The following MED1 variants were observed in gnomAD, a reference collection of about 807,000 sequenced individuals.
MED1 encodes the protein mediator of RNA polymerase II transcription subunit 1.
Under a neutral mutation model 121.3 loss-of-function variants are expected in MED1, and 17 were observed. The ratio of observed to expected loss-of-function variants is 0.14; its 90% CI spans 0.10 to 0.21. The LOEUF is 0.21. MED1 is among the 10% of genes least tolerant of loss of function. The pLI, the probability that MED1 is intolerant of heterozygous loss-of-function variation, is 1.00. For synonymous variants in MED1, 661 were observed against 694.4 expected (o/e 0.95, Z 0.76); for missense variants, 1,558 against 1,919.4 (o/e 0.81, Z 3.52).
At chr17:39,415,607 T>A (rs1164088214) in intron 14 of MED1, among the ~76,000 whole-genome samples, 1 of 152,050 alleles carries the variant, frequency 6.6e-6, no homozygotes, top group Non-Finnish European at 1.5e-5. Flanking sequence ...GGTCAGGAGT[T>A]CGAGACAAGC....
rs772852403 is a variant in MED1, at chr17:39,410,052, G to T, written c.2169C>A (p.Ile723=). 6.2e-7 allele frequency: 1 copy of T among 1,614,158 alleles called. No homozygotes were observed. The highest frequency in any genetic ancestry group is 1.3e-5 in the African/African-American group (1 of 75,056). ...TGTCAGCTGTCATGTTGACATCAAA[G>T]ATAGGGTTCTGTGAGTCAACATCCA... ...FSMDVDSQNP[I]FDVNMTADTL... Residue 723 remains isoleucine, a synonymous_variant, in exon 17 of 17, where the codon ATC becomes ATA. Transcript: ENST00000300651.
Position 39,409,891 on chromosome 17 carries a change from G to C in MED1, c.2330C>G (p.Pro777Arg). Residue 777 changes from proline to arginine, a missense_variant, in exon 17 of 17, where the codon CCA (proline) becomes CGA (arginine). Physicochemically the swap from Pro to Arg is moderately radical, Grantham distance 103. Around this residue, in one of 5 missense-constraint regions of MED1, gnomAD observed 793 missense variants for 898.2 expected, o/e 0.88. Coordinates refer to ENST00000300651, the MANE Select transcript of MED1 (RefSeq NM_004774.4). ...VRLSSSDSIG[P>R]DVTDILSDIA... The stretch of plus-strand genomic sequence containing the variant: ...GTCTGAAAGGATGTCAGTTACATCT[G>C]GGCCAATGCTGTCTGAACTGGATAG... 6.2e-7 allele frequency: 1 copy of C among 1,614,112 alleles called. No individual in the cohort carries two copies. Among genetic ancestry groups the C allele is most frequent in the Non-Finnish European group, 8.5e-7 (1 of 1,180,020 alleles).
At chr17:39,439,914 CA>C (rs2048655318) in intron 5 of MED1, among the ~76,000 whole-genome samples, 1 of 131,776 alleles carries the variant, frequency 7.6e-6, no homozygotes, top group Non-Finnish European at 1.5e-5. Flanking sequence ...CTCCAGGCGA[CA>C]GAACGAGACT....
chr17:39,410,285 T>A lies in MED1; in HGVS notation c.1936A>T (p.Met646Leu), dbSNP rs752686458. 2 of 1,613,858 alleles carry A rather than the reference T, an allele frequency of 1.2e-6. No individual in the cohort carries two copies. The highest frequency in any genetic ancestry group is 2.7e-5 in the African/African-American group (2 of 74,854). The part of the protein sequence containing the change: ...AGNTKNHPML[M>L]NLLKDNPAQD... ...GCAGGATTATCTTTAAGAAGGTTCA[T>A]GAGCATCGGGTGGTTCTTGGTGTTG... The change falls in exon 17 of 17, where the codon ATG becomes TTG. Residue 646 changes from methionine (M) to leucine (L), a missense_variant. Coordinates refer to ENST00000300651, the MANE Select transcript of MED1 (RefSeq NM_004774.4).
At chr17:39,420,897 G>A (rs530273883) in intron 13 of MED1, among the ~76,000 whole-genome samples, 3 of 145,968 alleles carry the variant, frequency 2.1e-5, no homozygotes, top group African/African-American at 5.0e-5. Context: ...CCGGGTTCAC[G>A]CCATTCTCCT....
intron 1 of MED1, among the ~76,000 whole-genome samples, chr17:39,449,809 CTTTTTTT>C (rs71147334): frequency 6.5e-5 from 4 of 61,590 alleles, no homozygotes; most frequent in African/African-American, 2.1e-4. Context: ...CACACCCGGC[CTTTTTTT>C]TTTTTTTTTT....
chr17:39,409,164 T>C lies in MED1; in HGVS notation c.3057A>G (p.Gly1019=). Residue 1019 remains glycine, a synonymous_variant, in exon 17 of 17, where the codon GGA becomes GGG. Transcript: ENST00000300651. ...TAGAAGAACTATGAGATGGAGACTTTCCCTCAGTGTCTGCCTTCTTCCGCT... is the reference window on the plus strand; with the variant it reads ...TAGAAGAACTATGAGATGGAGACTTCCCCTCAGTGTCTGCCTTCTTCCGCT... ...PPKRKKADTE[G]KSPSHSSSNR... The C allele has an allele frequency of 1.2e-6, 2 of 1,614,178 alleles. No homozygotes were observed. The highest frequency in any genetic ancestry group is 1.7e-6 in the Non-Finnish European group (2 of 1,180,034).
rs1445075739 is a variant in MED1, at chr17:39,406,828, CAT to C, written c.*645_*646del. The C allele has an allele frequency of 1.0e-6, 1 of 985,322 alleles. No individual in the cohort carries two copies. The highest frequency in any genetic ancestry group is 1.2e-6 in the Non-Finnish European group (1 of 829,896). The allele number at this position is 985,322 out of a possible 1,614,324, so 61.0% of individuals were successfully genotyped here. A position where few individuals can be genotyped will look rare whatever the true frequency, so the allele number is the denominator to read the frequency against. ...TTCCATCATTTTGAACCCTAAACCTCATAGATTTAGAACGAAACACTGTATAA... is the reference window on the plus strand; with the variant it reads ...TTCCATCATTTTGAACCCTAAACCTCAGATTTAGAACGAAACACTGTATAA... On this transcript the variant is annotated 3_prime_UTR_variant, in exon 17 of 17. Transcript: ENST00000300651.
chr17:39,406,821 T>C lies in MED1; in HGVS notation c.*654A>G, dbSNP rs1333822209. ...TTCGGCCTTCCATCATTTTGAACCCTAAACCTCATAGATTTAGAACGAAAC... is the reference window on the plus strand; with the variant it reads ...TTCGGCCTTCCATCATTTTGAACCCCAAACCTCATAGATTTAGAACGAAAC... On this transcript the variant is annotated 3_prime_UTR_variant, in exon 17 of 17. Transcript: ENST00000300651. 1 of 985,448 alleles carries C rather than the reference T, an allele frequency of 1.0e-6. No homozygotes were observed. The highest frequency in any genetic ancestry group is 1.1e-4 in the East Asian group (1 of 8,974). 61.0% of individuals were successfully genotyped at this position (985,448 alleles called of 1,614,324 possible).
At chr17:39,438,226 C>G (rs1214338441) in intron 6 of MED1, among the ~76,000 whole-genome samples, 1 of 150,918 alleles carries the variant, frequency 6.6e-6, no homozygotes. Context: ...GGCTGGAGTG[C>G]AGTGGCACGA....
At chr17:39,424,413 T>G (rs1485001500) in intron 11 of MED1, among the ~76,000 whole-genome samples, 1 of 152,164 alleles carries the variant, frequency 6.6e-6, no homozygotes, top group African/African-American at 2.4e-5. Flanking sequence ...ATTAGCACAG[T>G]TCTCTTCTTT....
At position 39,410,425 on chromosome 17, in the gene MED1, G is replaced by A. The variant is rs780837676; in HGVS notation, c.1796C>T (p.Ser599Phe). The part of the protein sequence containing the change: ...VGHGEDFSKV[S>F]QNPILTSLLQ... The stretch of plus-strand genomic sequence containing the variant: ...CAAACTGGTAAGAATTGGGTTCTGA[G>A]ACACCTTGCTGAAGTCCTCCCCATG... Residue 599 changes from serine to phenylalanine, a missense_variant, in exon 17 of 17, where the codon TCT (serine) becomes TTT (phenylalanine). Coordinates refer to ENST00000300651, the MANE Select transcript of MED1 (RefSeq NM_004774.4). 6.2e-7 allele frequency: 1 copy of A among 1,614,034 alleles called. No individual in the cohort carries two copies. The highest frequency in any genetic ancestry group is 1.1e-5 in the South Asian group (1 of 91,054).
At position 39,408,481 on chromosome 17, in the gene MED1, G is replaced by A; in HGVS notation, c.3740C>T (p.Ser1247Leu). 6.2e-7 allele frequency: 1 copy of A among 1,614,196 alleles called. No individual in the cohort carries two copies. The highest frequency in any genetic ancestry group is 8.5e-7 in the Non-Finnish European group (1 of 1,180,040). ...TSSSSGMKSS[S>L]GLGSSGSLSQ... is the part of the protein sequence containing the mutation. ...CAACGAGCCTGAGGATCCTAACCCT[G>A]AAGATGACTTCATGCCAGAGCTTGA... is the stretch of plus-strand genomic sequence containing the variant. The change falls in exon 17 of 17, where the codon TCA (serine) becomes TTA (leucine). Residue 1247 changes from serine to leucine, a missense_variant. By Grantham distance (145) the Ser-to-Leu change is moderately radical (BLOSUM62 -2). Around this residue, in one of 5 missense-constraint regions of MED1, gnomAD observed 793 missense variants for 898.2 expected, o/e 0.88. Coordinates refer to ENST00000300651, the MANE Select transcript of MED1 (RefSeq NM_004774.4). The surrounding 1 kb of genome is among the most constrained non-coding windows in gnomAD (Gnocchi z 4.7).
rs199754016 is a variant in MED1 at position 39,424,732 on chromosome 17, C to G, written c.746G>C (p.Arg249Pro). 2.2e-4 allele frequency: 344 copies of G among 1,589,344 alleles called. No individual in the cohort carries two copies. The highest frequency in any genetic ancestry group is 9.8e-5 in the Non-Finnish European group (114 of 1,160,974). ...PIILHENNVS[R>P]SLGMNASVTI... ...CACTGATGCATTCATGCCCAAAGAT[C>G]GAGAAACTGGGGATAGGAAAGAAAA... Residue 249 changes from arginine (R) to proline (P), a missense_variant, in exon 11 of 17, where the codon CGA becomes CCA. Physicochemically the swap from Arg to Pro is moderately radical, Grantham distance 103 (BLOSUM62 -2). This residue lies in a region of MED1 where 443 missense variants were observed against 532.4 expected (regional missense o/e 0.83). Transcript: ENST00000300651.
Position 39,408,460 on chromosome 17 carries a change from G to C in MED1, c.3761C>G (p.Ser1254Trp), listed in dbSNP as rs756800815. ...KSSSGLGSSG[S>W]LSQKTPPSSN... The stretch of plus-strand genomic sequence containing the variant: ...TGATGGGGGAGTTTTCTGGGACAAC[G>C]AGCCTGAGGATCCTAACCCTGAAGA... Residue 1254 changes from serine (S) to tryptophan (W), a missense_variant, in exon 17 of 17, where the codon TCG becomes TGG. This residue lies in a region of MED1 where 793 missense variants were observed against 898.2 expected (regional missense o/e 0.88). Transcript: ENST00000300651. The surrounding 1 kb of genome is among the most constrained non-coding windows in gnomAD (Gnocchi z 4.7). 6.2e-7 allele frequency: 1 copy of C among 1,614,146 alleles called. No homozygotes were observed. The highest frequency in any genetic ancestry group is 2.2e-5 in the East Asian group (1 of 44,878).
intron 3 of MED1, among the ~76,000 whole-genome samples, chr17:39,441,279 C>T (rs183863557): frequency 1.8e-4 from 27 of 152,202 alleles, no homozygotes; most frequent in Admixed American, 1.3e-3. Context: ...AGACAGGAAG[C>T]AGAATGGTGG....
intron 8 of MED1, 52 bp from the exon 9 acceptor site, chr17:39,431,240 G>A: frequency 7.0e-7 from 1 of 1,421,828 alleles, no homozygotes; most frequent in Non-Finnish European, 9.9e-7. Flanking sequence ...GATGGTCTTG[G>A]TACACACTGT....
chr17:39,439,301 TAA>T (rs1158078553), intron 5 of MED1, 108 bp from the exon 6 acceptor site: 4 of 776,132 alleles, frequency 5.2e-6, no homozygotes, highest in Non-Finnish European at 8.0e-6. Flanking sequence ...ACAAAACCAT[TAA>T]AACTACAGAT....
chr17:39,433,515 T>A (rs1190294701), intron 7 of MED1, among the ~76,000 whole-genome samples: 1 of 147,114 alleles, frequency 6.8e-6, no homozygotes, highest in African/African-American at 2.6e-5. Flanking sequence ...TTAAAATAAA[T>A]TTTTTTTGTT....
Sources: allele counts gnomAD v4.1 joint callset (sites outside exome capture counted in the v4.1 genomes callset), GRCh38; gene constraint gnomAD v4.1.1; regional missense constraint gnomAD v4.1.1; non-coding constraint Gnocchi (gnomAD v3.1); transcripts MANE v1.5; gene names NCBI Gene and HGNC (gene_info 2026-07-23, HGNC 2026-07-21).